WNT1: variants seen among roughly 807,000 people sequenced by gnomAD.
The protein encoded by WNT1 is proto-oncogene Wnt-1.
Under a neutral mutation model 21.3 loss-of-function variants are expected in WNT1, and 10 were observed. The ratio of observed to expected loss-of-function variants is 0.47; its 90% CI spans 0.29 to 0.80. The LOEUF (loss-of-function observed/expected upper bound fraction) is 0.80, where lower values mean the gene tolerates loss of function less well. Ranked by LOEUF, WNT1 falls within the 30% of genes least tolerant of loss-of-function variation. The pLI, the probability that WNT1 is intolerant of heterozygous loss-of-function variation, is 0.09. For missense variants in WNT1, 476 were observed against 534.1 expected (o/e 0.89, Z 1.07); for synonymous variants, 208 against 236.3 (o/e 0.88, Z 1.10).
rs534137205 is a variant in WNT1 at position 48,979,396 on chromosome 12, C to A, written c.105-72C>A. 3 of 1,514,106 alleles carry A rather than the reference C, an allele frequency of 2.0e-6. No homozygotes were observed. The highest frequency in any genetic ancestry group is 2.7e-6 in the Non-Finnish European group (3 of 1,128,046). 93.8% of individuals were successfully genotyped at this position (1,514,106 alleles called of 1,614,324 possible). ...CAGCCACATACCCCCAGGAAGAGGACCGGGTGGCACAGTTTTTATGGTTAG... is the reference window on the plus strand; with the variant it reads ...CAGCCACATACCCCCAGGAAGAGGAACGGGTGGCACAGTTTTTATGGTTAG... On this transcript the variant is annotated intron_variant, in intron 1 of 3. Transcript: ENST00000293549. The surrounding 1 kb of genome is among the most constrained non-coding windows in gnomAD (Gnocchi z 6.0).
At position 48,978,723 on chromosome 12, in the gene WNT1, G is replaced by A. The variant is rs1940969096; in HGVS notation, c.73G>A (p.Ala25Thr). The A allele has an allele frequency of 2.5e-6, 4 of 1,603,446 alleles. No homozygotes were observed. The highest frequency in any genetic ancestry group is 3.4e-6 in the Non-Finnish European group (4 of 1,178,372). Reference protein sequence around the residue: ...LLLALAALPAALAANSSGRWW... With the variant: ...LLLALAALPATLAANSSGRWW... ...GCTGGCGCTGGCCGCTCTGCCCGCA[G>A]CCCTGGCTGCCAACAGCAGTGGCCG... Residue 25 changes from alanine to threonine, a missense_variant, in exon 1 of 4, where the codon GCC becomes ACC. Ala to Thr is a moderately conservative substitution (Grantham distance 58). Coordinates refer to ENST00000293549, the MANE Select transcript of WNT1 (RefSeq NM_005430.4). This position sits in a 1 kb window ranked among gnomAD's most constrained non-coding sequence, Gnocchi z 7.4.
rs549499340 is a variant in WNT1 at position 48,982,562 on chromosome 12, T to C, written c.*922T>C. 6.6e-6 allele frequency among the ~76,000 whole-genome samples: 1 copy of C among 152,328 alleles called. No individual in the cohort carries two copies. Among genetic ancestry groups the C allele is most frequent in the Admixed American group, 6.5e-5 (1 of 15,300 alleles). ...TTCCACTGTAGCTATTAGCGGCTCC[T>C]CGCCCCCACCAGTGTAGCATCTTCC... On this transcript the variant is annotated 3_prime_UTR_variant, in exon 4 of 4. Transcript: ENST00000293549.
In WNT1 at chr12:48,980,697, T is replaced by C; in HGVS notation, c.624+8T>C. 6.5e-7 allele frequency: 1 copy of C among 1,533,070 alleles called. No homozygotes were observed. The highest frequency in any genetic ancestry group is 8.8e-7 in the Non-Finnish European group (1 of 1,141,688). 95.0% of individuals were successfully genotyped at this position (1,533,070 alleles called of 1,614,324 possible). On this transcript the variant is annotated splice_region_variant and intron_variant, in intron 3 of 3. Coordinates refer to ENST00000293549, the MANE Select transcript of WNT1 (RefSeq NM_005430.4). The surrounding 1 kb of genome is among the most constrained non-coding windows in gnomAD (Gnocchi z 7.0). ...AACGAGGCAGGCCGTACGGTGAGCTTTGAGAGGCTCCGCACCCTAAGCGGA... is the reference window on the plus strand; with the variant it reads ...AACGAGGCAGGCCGTACGGTGAGCTCTGAGAGGCTCCGCACCCTAAGCGGA...
Position 48,978,771 on chromosome 12 carries a change from G to C in WNT1, c.104+17G>C, listed in dbSNP as rs1940969984. On this transcript the variant is annotated intron_variant, in intron 1 of 3. Transcript: ENST00000293549. The surrounding 1 kb of genome is among the most constrained non-coding windows in gnomAD (Gnocchi z 7.4). Reference sequence around the variant, plus strand: ...CCGATGGTGGTAAGTGAGCTGGTGCGGGGTCGCCACTTGTCCCGCGGCACA... The same window carrying C: ...CCGATGGTGGTAAGTGAGCTGGTGCCGGGTCGCCACTTGTCCCGCGGCACA... 1 of 1,558,564 alleles carries C rather than the reference G, an allele frequency of 6.4e-7. No homozygotes were observed. Among genetic ancestry groups the C allele is most frequent in the Admixed American group, 1.7e-5 (1 of 57,882 alleles).
chr12:48,978,743 T>C lies in WNT1; in HGVS notation c.93T>C (p.Ser31=). The part of the protein sequence containing the change: ...ALPAALAANS[S]GRWWGIVNVA... ...CCGCAGCCCTGGCTGCCAACAGCAG[T>C]GGCCGATGGTGGTAAGTGAGCTGGT... is the stretch of plus-strand genomic sequence containing the variant. Residue 31 remains serine (S), a synonymous_variant, in exon 1 of 4, where the codon AGT becomes AGC. Transcript: ENST00000293549. The surrounding 1 kb of genome is among the most constrained non-coding windows in gnomAD (Gnocchi z 7.4). 1 of 1,598,576 alleles carries C rather than the reference T, an allele frequency of 6.3e-7. No individual in the cohort carries two copies. Among genetic ancestry groups the C allele is most frequent in the Non-Finnish European group, 8.5e-7 (1 of 1,175,542 alleles).
chr12:48,981,403 C>T lies in WNT1; in HGVS notation c.876C>T (p.Phe292=), dbSNP rs1030926794. 1.3e-6 allele frequency: 2 copies of T among 1,580,944 alleles called. No homozygotes were observed. The highest frequency in any genetic ancestry group is 2.3e-5 in the East Asian group (1 of 43,088). ...KPPSPHDLVY[F]EKSPNFCTYS... ...CCTCCCCCCACGACCTCGTCTACTT[C>T]GAGAAATCGCCCAACTTCTGCACGT... The change falls in exon 4 of 4, where the codon TTC becomes TTT. Residue 292 remains phenylalanine, a synonymous_variant. Coordinates refer to ENST00000293549, the MANE Select transcript of WNT1 (RefSeq NM_005430.4). This position sits in a 1 kb window ranked among gnomAD's most constrained non-coding sequence, Gnocchi z 7.4.
Position 48,981,799 on chromosome 12 carries a change from G to A in WNT1, c.*159G>A. ...ATCTCTCCCACTTCCTCCTACCTGG[G>A]GACTCCTCAAACCACTTGCCTGGGG... On this transcript the variant is annotated 3_prime_UTR_variant, in exon 4 of 4. Transcript: ENST00000293549. The surrounding 1 kb of genome is among the most constrained non-coding windows in gnomAD (Gnocchi z 7.4). The A allele has an allele frequency of 9.0e-7, 1 of 1,105,556 alleles. No homozygotes were observed. The highest frequency in any genetic ancestry group is 1.2e-6 in the Non-Finnish European group (1 of 823,210). The allele number at this position is 1,105,556 out of a possible 1,614,324, so 68.5% of individuals were successfully genotyped here.
rs1257144288 is a variant in WNT1 at position 48,978,875 on chromosome 12, C to G, written c.104+121C>G. On this transcript the variant is annotated intron_variant, in intron 1 of 3. Coordinates refer to ENST00000293549, the MANE Select transcript of WNT1 (RefSeq NM_005430.4). The surrounding 1 kb of genome is among the most constrained non-coding windows in gnomAD (Gnocchi z 7.4). ...AGGCTCCCTCCCCGCTCTGACTTCC[C>G]TCCGCGACACCGAAGGGCGATCTGG... is the stretch of plus-strand genomic sequence containing the variant. 1.5e-6 allele frequency: 1 copy of G among 681,948 alleles called. No homozygotes were observed. Among genetic ancestry groups the G allele is most frequent in the Non-Finnish European group, 2.4e-6 (1 of 415,036 alleles). The allele number at this position is 681,948 out of a possible 1,614,324, so 42.2% of individuals were successfully genotyped here. A position where few individuals can be genotyped will look rare whatever the true frequency, so the allele number is the denominator to read the frequency against.
chr12:48,978,702 G>T lies in WNT1; in HGVS notation c.52G>T (p.Ala18Ser), dbSNP rs142730766. ...PGWVSATLLL[A>S]LAALPAALAA... ...CTGGGTTTCTGCTACGCTGCTGCTGGCGCTGGCCGCTCTGCCCGCAGCCCT... is the reference window on the plus strand; with the variant it reads ...CTGGGTTTCTGCTACGCTGCTGCTGTCGCTGGCCGCTCTGCCCGCAGCCCT... The change falls in exon 1 of 4, where the codon GCG becomes TCG. Residue 18 changes from alanine to serine, a missense_variant. By Grantham distance (99) the Ala-to-Ser change is moderately conservative. Transcript: ENST00000293549. The surrounding 1 kb of genome is among the most constrained non-coding windows in gnomAD (Gnocchi z 7.4). 7.5e-6 allele frequency: 12 copies of T among 1,604,092 alleles called. No homozygotes were observed. The highest frequency in any genetic ancestry group is 1.0e-5 in the Non-Finnish European group (12 of 1,178,744).
Position 48,980,370 on chromosome 12 carries a change from T to G in WNT1, c.359-54T>G. 1 of 1,605,430 alleles carries G rather than the reference T, an allele frequency of 6.2e-7. No individual in the cohort carries two copies. Among genetic ancestry groups the G allele is most frequent in the Non-Finnish European group, 8.5e-7 (1 of 1,173,788 alleles). On this transcript the variant is annotated intron_variant, in intron 2 of 3. Coordinates refer to ENST00000293549, the MANE Select transcript of WNT1 (RefSeq NM_005430.4). This position sits in a 1 kb window ranked among gnomAD's most constrained non-coding sequence, Gnocchi z 7.0. Reference sequence around the variant, plus strand: ...TCCGGTCCCAAGCCCTTCATGAGGGTGCTGGCCGCGCCCCGCGTACCCCCT... The same window carrying G: ...TCCGGTCCCAAGCCCTTCATGAGGGGGCTGGCCGCGCCCCGCGTACCCCCT...
Position 48,980,579 on chromosome 12 carries a change from G to C in WNT1, c.514G>C (p.Asp172His), listed in dbSNP as rs1177507864. 2.5e-6 allele frequency: 4 copies of C among 1,607,510 alleles called. No homozygotes were observed. The South Asian group carries it at 3.3e-5, about 13-fold the overall frequency. ...CGACTGGCACTGGGGGGGCTGCAGC[G>C]ACAACATTGACTTCGGCCGCCTCTT... ...GPDWHWGGCSDNIDFGRLFGR... is the reference protein window; with the variant it reads ...GPDWHWGGCSHNIDFGRLFGR... Residue 172 changes from aspartate (D) to histidine (H), a missense_variant, in exon 3 of 4, where the codon GAC becomes CAC. By Grantham distance (81) the Asp-to-His change is moderately conservative. Coordinates refer to ENST00000293549, the MANE Select transcript of WNT1 (RefSeq NM_005430.4). The surrounding 1 kb of genome is among the most constrained non-coding windows in gnomAD (Gnocchi z 7.0).
chr12:48,980,002 C>A lies in WNT1; in HGVS notation c.358+281C>A, dbSNP rs1392698149. 1.3e-5 allele frequency among the ~76,000 whole-genome samples: 2 copies of A among 150,906 alleles called. No homozygotes were observed. Among genetic ancestry groups the A allele is most frequent in the African/African-American group, 4.8e-5 (2 of 41,308 alleles). On this transcript the variant is annotated intron_variant, in intron 2 of 3. Transcript: ENST00000293549. The surrounding 1 kb of genome is among the most constrained non-coding windows in gnomAD (Gnocchi z 7.0). ...CGGCTGACCGCCGCTTTCCCCCAGC[C>A]TCTCTCAAAAGCGCCTGGGAAGCTG...
chr12:48,979,971 G>A lies in WNT1; in HGVS notation c.358+250G>A, dbSNP rs1055825550. ...CCAGATAAAGAAAGTTTCGGGTCGCGGACGCCGGCTGACCGCCGCTTTCCC... is the reference window on the plus strand; with the variant it reads ...CCAGATAAAGAAAGTTTCGGGTCGCAGACGCCGGCTGACCGCCGCTTTCCC... On this transcript the variant is annotated intron_variant, in intron 2 of 3. Coordinates refer to ENST00000293549, the MANE Select transcript of WNT1 (RefSeq NM_005430.4). The surrounding 1 kb of genome is among the most constrained non-coding windows in gnomAD (Gnocchi z 6.0). 1.1e-4 allele frequency among the ~76,000 whole-genome samples: 16 copies of A among 152,232 alleles called. No individual in the cohort carries two copies. The highest frequency in any genetic ancestry group is 3.4e-4 in the African/African-American group (14 of 41,458).
Position 48,979,854 on chromosome 12 carries a change from C to T in WNT1, c.358+133C>T. The stretch of plus-strand genomic sequence containing the variant: ...ACACAATCAACCTTGCCAAGTGCCT[C>T]GTGCCCAGCGCCAGCTCGGGGCCAG... On this transcript the variant is annotated intron_variant, in intron 2 of 3. Coordinates refer to ENST00000293549, the MANE Select transcript of WNT1 (RefSeq NM_005430.4). The surrounding 1 kb of genome is among the most constrained non-coding windows in gnomAD (Gnocchi z 6.0). 1 of 1,303,796 alleles carries T rather than the reference C, an allele frequency of 7.7e-7. No individual in the cohort carries two copies. The highest frequency in any genetic ancestry group is 2.6e-5 in the East Asian group (1 of 38,732). 80.8% of individuals were successfully genotyped at this position (1,303,796 alleles called of 1,614,324 possible). A position where few individuals can be genotyped will look rare whatever the true frequency, so the allele number is the denominator to read the frequency against.
chr12:48,979,757 G>A lies in WNT1; in HGVS notation c.358+36G>A. On this transcript the variant is annotated intron_variant, in intron 2 of 3. Transcript: ENST00000293549. The surrounding 1 kb of genome is among the most constrained non-coding windows in gnomAD (Gnocchi z 6.0). ...AGGAAGGCGACGCTTCCGGGAGCAG[G>A]GGAAACGCGGGGTCACCCCCAGGGC... 6.5e-7 allele frequency: 1 copy of A among 1,544,778 alleles called. No individual in the cohort carries two copies. The highest frequency in any genetic ancestry group is 1.2e-5 in the South Asian group (1 of 81,856).
chr12:48,980,521 G>T lies in WNT1; in HGVS notation c.456G>T (p.Thr152=), dbSNP rs758218255. The stretch of plus-strand genomic sequence containing the variant: ...CAGAAGGTTCCATCGAATCCTGCAC[G>T]TGTGACTACCGGCGGCGCGGCCCCG... The part of the protein sequence containing the change: ...SCSEGSIESC[T]CDYRRRGPGG... The change falls in exon 3 of 4, where the codon ACG becomes ACT. Residue 152 remains threonine, a synonymous_variant. Coordinates refer to ENST00000293549, the MANE Select transcript of WNT1 (RefSeq NM_005430.4). This position sits in a 1 kb window ranked among gnomAD's most constrained non-coding sequence, Gnocchi z 7.0. The T allele has an allele frequency of 1.2e-6, 2 of 1,614,116 alleles. No individual in the cohort carries two copies. Among genetic ancestry groups the T allele is most frequent in the Admixed American group, 1.7e-5 (1 of 60,030 alleles).
rs387907358 is a variant in WNT1 at position 48,981,590 on chromosome 12, G to T, written c.1063G>T (p.Val355Phe). 1 of 1,497,496 alleles carries T rather than the reference G, an allele frequency of 6.7e-7. No homozygotes were observed. Among genetic ancestry groups the T allele is most frequent in the Non-Finnish European group, 8.9e-7 (1 of 1,126,150 alleles). 92.8% of individuals were successfully genotyped at this position (1,497,496 alleles called of 1,614,324 possible). A position where few individuals can be genotyped will look rare whatever the true frequency, so the allele number is the denominator to read the frequency against. ...CTGCACCTTCCACTGGTGCTGCCAC[G>T]TCAGCTGCCGCAACTGCACGCACAC... ...CNCTFHWCCH[V>F]SCRNCTHTRV... Residue 355 changes from valine to phenylalanine, a missense_variant, in exon 4 of 4, where the codon GTC (valine) becomes TTC (phenylalanine). Transcript: ENST00000293549. The surrounding 1 kb of genome is among the most constrained non-coding windows in gnomAD (Gnocchi z 7.4).
chr12:48,978,739 G>T lies in WNT1; in HGVS notation c.89G>T (p.Ser30Ile). 6.2e-7 allele frequency: 1 copy of T among 1,601,314 alleles called. No individual in the cohort carries two copies. Among genetic ancestry groups the T allele is most frequent in the Non-Finnish European group, 8.5e-7 (1 of 1,177,210 alleles). Residue 30 changes from serine to isoleucine, a missense_variant, in exon 1 of 4, where the codon AGC becomes ATC. Physicochemically the swap from Ser to Ile is moderately radical, Grantham distance 142. Coordinates refer to ENST00000293549, the MANE Select transcript of WNT1 (RefSeq NM_005430.4). The surrounding 1 kb of genome is among the most constrained non-coding windows in gnomAD (Gnocchi z 7.4). ...CTGCCCGCAGCCCTGGCTGCCAACAGCAGTGGCCGATGGTGGTAAGTGAGC... is the reference window on the plus strand; with the variant it reads ...CTGCCCGCAGCCCTGGCTGCCAACATCAGTGGCCGATGGTGGTAAGTGAGC... ...AALPAALAAN[S>I]SGRWWGIVNV...
rs1940971251 is a variant in WNT1 at position 48,978,857 on chromosome 12, C to G, written c.104+103C>G. ...TGGGATCCGTCTGCCGACAGGCTCC[C>G]TCCCCGCTCTGACTTCCCTCCGCGA... On this transcript the variant is annotated intron_variant, in intron 1 of 3. Transcript: ENST00000293549. The surrounding 1 kb of genome is among the most constrained non-coding windows in gnomAD (Gnocchi z 7.4). 2.5e-6 allele frequency: 2 copies of G among 801,642 alleles called. No individual in the cohort carries two copies. Among genetic ancestry groups the G allele is most frequent in the Non-Finnish European group, 3.8e-6 (2 of 522,380 alleles). The allele number at this position is 801,642 out of a possible 1,614,324, so 49.7% of individuals were successfully genotyped here. A position where few individuals can be genotyped will look rare whatever the true frequency, so the allele number is the denominator to read the frequency against.
Sources: allele counts gnomAD v4.1 joint callset (sites outside exome capture counted in the v4.1 genomes callset), GRCh38; gene constraint gnomAD v4.1.1; non-coding constraint Gnocchi (gnomAD v3.1); transcripts MANE v1.5; gene names NCBI Gene and HGNC (gene_info 2026-07-23, HGNC 2026-07-21).